BMPR2: variants seen among roughly 807,000 people sequenced by gnomAD.
BMPR2 encodes bone morphogenetic protein receptor type 2.
In BMPR2, 29 loss-of-function variants were observed where a neutral mutation model predicts 100.8. That is an observed-to-expected ratio of 0.29 (90% CI 0.21 to 0.39). BMPR2 has a LOEUF of 0.39. Ranked by LOEUF, BMPR2 falls within the 10% of genes least tolerant of loss-of-function variation. The probability of loss-of-function intolerance (pLI) is 1.00; values close to 1 mark genes in which losing one functional copy is unlikely to be tolerated. For synonymous variants in BMPR2, 382 were observed against 442.3 expected (o/e 0.86, Z 1.71); for missense variants, 1,011 against 1,274.5 (o/e 0.79, Z 3.15).
intron 1 of BMPR2, among the ~76,000 whole-genome samples, chr2:202,444,326 G>A (rs1361324191): frequency 1.3e-5 from 2 of 150,552 alleles, no homozygotes; most frequent in Admixed American, 6.6e-5. Flanking sequence ...ATGGATGAAA[G>A]TATCCTCATT....
intron 1 of BMPR2, among the ~76,000 whole-genome samples, chr2:202,450,715 T>C (rs1016488839): frequency 2.0e-5 from 3 of 149,112 alleles, no homozygotes; most frequent in East Asian, 3.9e-4. Flanking sequence ...AAAAAAAAGA[T>C]TTCACCATAA....
At chr2:202,427,316 C>T (rs6435153) in intron 1 of BMPR2, among the ~76,000 whole-genome samples, 11,045 of 142,764 alleles carry the variant, frequency 0.077, 583 homozygotes, top group Admixed American at 0.11. Context: ...GCTGAGATCG[C>T]GCCACTGCAC....
At position 202,562,909 on chromosome 2, in the gene BMPR2, T is replaced by C. The variant is rs1266313093; in HGVS notation, c.*2963T>C. 4.6e-5 allele frequency: 7 copies of C among 152,098 alleles called. No homozygotes were observed. Among genetic ancestry groups the C allele is most frequent in the Non-Finnish European group, 7.4e-5 (5 of 68,024 alleles). 9.4% of individuals were successfully genotyped at this position (152,098 alleles called of 1,614,324 possible). ...CATACTGAATGCTGAAGTATACATA[T>C]GCTATTTCTCTTAAACCTCAGAGCA... is the stretch of plus-strand genomic sequence containing the variant. On this transcript the variant is annotated 3_prime_UTR_variant, in exon 13 of 13. Transcript: ENST00000374580.
intron 1 of BMPR2, among the ~76,000 whole-genome samples, chr2:202,423,737 G>A (rs959220100): frequency 2.6e-5 from 4 of 151,986 alleles, no homozygotes; most frequent in African/African-American, 9.7e-5. Flanking sequence ...CTGGGCAATA[G>A]CATAAGACCT....
rs549849599 is a variant in BMPR2 at position 202,445,015 on chromosome 2, C to T, written c.77-19794C>T. 1.3e-3 allele frequency among the ~76,000 whole-genome samples: 198 copies of T among 150,200 alleles called. 6 individuals carry two copies. The South Asian group carries it at 0.04, about 30-fold the overall frequency. Reference sequence around the variant, plus strand: ...ATTGGTCAGGCTGGTCTCGAACTCCCGACATCAGGTGATCCACCTGCCTTG... The same window carrying T: ...ATTGGTCAGGCTGGTCTCGAACTCCTGACATCAGGTGATCCACCTGCCTTG... On this transcript the variant is annotated intron_variant, in intron 1 of 12. Transcript: ENST00000374580.
intron 1 of BMPR2, among the ~76,000 whole-genome samples, chr2:202,405,557 G>A (rs1481188609): frequency 6.6e-6 from 1 of 151,630 alleles, no homozygotes; most frequent in Admixed American, 6.6e-5. Context: ...GTGTGGTGGC[G>A]GGCACCCATA....
At chr2:202,549,862 C>T (rs1222623116) in intron 10 of BMPR2, among the ~76,000 whole-genome samples, 2 of 152,082 alleles carry the variant, frequency 1.3e-5, no homozygotes, top group African/African-American at 2.4e-5. Context: ...TGCATCTTTG[C>T]CAACATTTGG....
chr2:202,528,344 C>A (rs1440426998), intron 7 of BMPR2, among the ~76,000 whole-genome samples: 1 of 152,130 alleles, frequency 6.6e-6, no homozygotes, highest in Non-Finnish European at 1.5e-5. Flanking sequence ...CCCGCCACCA[C>A]GCCGAGCTGA....
rs1690169598 is a variant in BMPR2 at position 202,377,259 on chromosome 2, C to T, written c.-216C>T. The T allele has an allele frequency of 1.6e-6, 1 of 627,054 alleles. No individual in the cohort carries two copies. The highest frequency in any genetic ancestry group is 2.9e-6 in the Non-Finnish European group (1 of 345,726). The allele number at this position is 627,054 out of a possible 1,614,324, so 38.8% of individuals were successfully genotyped here. Reference sequence around the variant, plus strand: ...GCACCCCGTCCGAGGCGAAGGAACCCCCCCAGCCGCGAGGGAGAGAAATGA... The same window carrying T: ...GCACCCCGTCCGAGGCGAAGGAACCTCCCCAGCCGCGAGGGAGAGAAATGA... On this transcript the variant is annotated 5_prime_UTR_variant, in exon 1 of 13. Transcript: ENST00000374580.
chr2:202,462,229 ATTTTTTTT>A (rs550364869), intron 1 of BMPR2, among the ~76,000 whole-genome samples: 2 of 135,200 alleles, frequency 1.5e-5, no homozygotes. Flanking sequence ...AGGAACCACT[ATTTTTTTT>A]TTTTTTTTTT....
chr2:202,412,947 G>A lies in BMPR2; in HGVS notation c.76+35397G>A, dbSNP rs140766363. 3.2e-4 allele frequency among the ~76,000 whole-genome samples: 48 copies of A among 152,186 alleles called. No individual in the cohort carries two copies. In the East Asian group the frequency reaches 7.3e-3, roughly 23 times the overall value. Reference sequence around the variant, plus strand: ...GTGTGTGTGTACACACTTACATGCTGTTGATTCTCATTGTTCTTGGATTCC... The same window carrying A: ...GTGTGTGTGTACACACTTACATGCTATTGATTCTCATTGTTCTTGGATTCC... On this transcript the variant is annotated intron_variant, in intron 1 of 12. Coordinates refer to ENST00000374580, the MANE Select transcript of BMPR2 (RefSeq NM_001204.7).
intron 10 of BMPR2, among the ~76,000 whole-genome samples, chr2:202,543,923 C>G (rs1688328051): frequency 6.6e-6 from 1 of 152,138 alleles, no homozygotes; most frequent in Non-Finnish European, 1.5e-5. Context: ...TATCATCCAT[C>G]ACTTGAGCCC....
At chr2:202,456,514 TTTC>T (rs1475417914) in intron 1 of BMPR2, among the ~76,000 whole-genome samples, 7 of 140,104 alleles carry the variant, frequency 5.0e-5, no homozygotes, top group Admixed American at 7.1e-5. Context: ...TCTTTCTTTC[TTTC>T]TTTTTTTTTT....
At chr2:202,534,017 A>G (rs1239303933) in intron 9 of BMPR2, among the ~76,000 whole-genome samples, 1 of 152,104 alleles carries the variant, frequency 6.6e-6, no homozygotes, top group Non-Finnish European at 1.5e-5. Context: ...ACTGTCTTTT[A>G]GGAGTAACAC....
chr2:202,395,884 C>T (rs1371854489), intron 1 of BMPR2, among the ~76,000 whole-genome samples: 1 of 152,076 alleles, frequency 6.6e-6, no homozygotes, highest in East Asian at 1.9e-4. Context: ...TTGCAGTGAG[C>T]TGAGATTGCA....
chr2:202,414,879 A>G lies in BMPR2; in HGVS notation c.76+37329A>G, dbSNP rs535091399. Among the ~76,000 whole-genome samples, 7 of 152,174 alleles carry G rather than the reference A, an allele frequency of 4.6e-5. 1 individual carries two copies. The South Asian group carries it at 1.5e-3, about 32-fold the overall frequency. Reference sequence around the variant, plus strand: ...CTCAGCCTCCTGAGTAGCTGGGACTACAGGTGTGCACCACCATGCCCGGCT... The same window carrying G: ...CTCAGCCTCCTGAGTAGCTGGGACTGCAGGTGTGCACCACCATGCCCGGCT... On this transcript the variant is annotated intron_variant, in intron 1 of 12. Coordinates refer to ENST00000374580, the MANE Select transcript of BMPR2 (RefSeq NM_001204.7).
At chr2:202,392,819 C>A (rs1478350828) in intron 1 of BMPR2, among the ~76,000 whole-genome samples, 1 of 151,634 alleles carries the variant, frequency 6.6e-6, no homozygotes, top group Non-Finnish European at 1.5e-5. Context: ...ATGGAGAAAC[C>A]CCGTCTCTAC....
chr2:202,550,947 CTTTTTTTTT>C (rs34364158), intron 10 of BMPR2, among the ~76,000 whole-genome samples: 1 of 68,310 alleles, frequency 1.5e-5, no homozygotes, highest in African/African-American at 6.6e-5. Context: ...AGCATATCAG[CTTTTTTTTT>C]TTTTTTTTTT....
intron 1 of BMPR2, among the ~76,000 whole-genome samples, chr2:202,378,479 A>C (rs1433712044): frequency 6.6e-6 from 1 of 152,172 alleles, no homozygotes; most frequent in Non-Finnish European, 1.5e-5. Flanking sequence ...CTTTCGAATT[A>C]CTTTTTTTCT....
Sources: allele counts gnomAD v4.1 joint callset (sites outside exome capture counted in the v4.1 genomes callset), GRCh38; gene constraint gnomAD v4.1.1; transcripts MANE v1.5; gene names NCBI Gene and HGNC (gene_info 2026-07-23, HGNC 2026-07-21).